RNGTT: variants seen among roughly 807,000 people sequenced by gnomAD.
RNGTT encodes mRNA-capping enzyme.
Under a neutral mutation model 79.3 loss-of-function variants are expected in RNGTT, and 33 were observed. That is an observed-to-expected ratio of 0.42 (90% CI 0.32 to 0.56). RNGTT has a LOEUF of 0.56. RNGTT is among the 20% of genes least tolerant of loss of function. The pLI, the probability that RNGTT is intolerant of heterozygous loss-of-function variation, is 0.17. For missense variants in RNGTT, 497 were observed against 739.1 expected (o/e 0.67, Z 3.80); for synonymous variants, 222 against 235.9 (o/e 0.94, Z 0.54).
At chr6:88,886,022 G>C (rs900224727) in intron 8 of RNGTT, among the ~76,000 whole-genome samples, 1 of 152,132 alleles carries the variant, frequency 6.6e-6, no homozygotes, top group African/African-American at 2.4e-5. Flanking sequence ...AATTATTGCA[G>C]AGGCCGGGCG....
chr6:88,806,905 T>C lies in RNGTT; in HGVS notation c.1270-5273A>G, dbSNP rs911394371. Among the ~76,000 whole-genome samples, 11 of 152,312 alleles carry C rather than the reference T, an allele frequency of 7.2e-5. No individual in the cohort carries two copies. The South Asian group carries it at 2.1e-3, about 29-fold the overall frequency. On this transcript the variant is annotated intron_variant, in intron 11 of 15. Coordinates refer to ENST00000369485, the MANE Select transcript of RNGTT (RefSeq NM_003800.5). The stretch of plus-strand genomic sequence containing the variant: ...GATACATATACACAATGGAATACTA[T>C]GCAGCCACAAAAAGGAACAAGATCG...
chr6:88,941,862 A>G (rs1026200213), intron 1 of RNGTT, among the ~76,000 whole-genome samples: 4 of 152,014 alleles, frequency 2.6e-5, no homozygotes, highest in Admixed American at 2.6e-4. Flanking sequence ...AACTTCCATT[A>G]TCTAAGTTCT....
chr6:88,886,757 C>T (rs1487830598), intron 8 of RNGTT, among the ~76,000 whole-genome samples: 1 of 152,164 alleles, frequency 6.6e-6, no homozygotes. Flanking sequence ...TCTGAGATTA[C>T]AGTGGCTTAG....
intron 13 of RNGTT, among the ~76,000 whole-genome samples, chr6:88,709,692 C>A (rs1188911307): frequency 6.6e-6 from 1 of 152,170 alleles, no homozygotes; most frequent in East Asian, 1.9e-4. Context: ...TTTCTTTTTG[C>A]ATCAAATCTT....
intron 11 of RNGTT, among the ~76,000 whole-genome samples, chr6:88,825,307 T>C (rs1373263334): frequency 6.6e-6 from 1 of 152,170 alleles, no homozygotes; most frequent in Admixed American, 6.5e-5. Context: ...ACAACAGGCA[T>C]TGGGGTTCAC....
Position 88,807,656 on chromosome 6 carries a change from C to T in RNGTT, c.1270-6024G>A, listed in dbSNP as rs1780002112. Among the ~76,000 whole-genome samples the T allele has an allele frequency of 2.0e-5, 3 of 152,062 alleles. No individual in the cohort carries two copies. In the South Asian group the frequency reaches 6.2e-4, roughly 31 times the overall value. ...AGATACAAGGAAGCAAAGAAACCAA[C>T]TGAGAGAAATAATGCCTCCAATTGC... On this transcript the variant is annotated intron_variant, in intron 11 of 15. Coordinates refer to ENST00000369485, the MANE Select transcript of RNGTT (RefSeq NM_003800.5).
At chr6:88,666,710 A>G (rs151264774) in intron 14 of RNGTT, among the ~76,000 whole-genome samples, 176 of 152,308 alleles carry the variant, frequency 1.2e-3, no homozygotes, top group African/African-American at 3.9e-3. Flanking sequence ...CTGTATGTGG[A>G]CGGAAGCAGC....
chr6:88,873,321 A>G (rs1412151444), intron 8 of RNGTT, among the ~76,000 whole-genome samples: 1 of 152,206 alleles, frequency 6.6e-6, no homozygotes, highest in Non-Finnish European at 1.5e-5. Context: ...ATAACTTTAA[A>G]TATGCTTTTA....
chr6:88,885,207 T>A (rs1782818552), intron 8 of RNGTT, among the ~76,000 whole-genome samples: 1 of 152,058 alleles, frequency 6.6e-6, no homozygotes, highest in African/African-American at 2.4e-5. Context: ...TGAGCCCAAC[T>A]TGTGCACAAA....
intron 14 of RNGTT, among the ~76,000 whole-genome samples, chr6:88,631,472 T>G (rs1772880917): frequency 6.6e-6 from 1 of 152,170 alleles, no homozygotes; most frequent in African/African-American, 2.4e-5. Context: ...CACCTTGACA[T>G]CTCACAAAGG....
intron 8 of RNGTT, among the ~76,000 whole-genome samples, chr6:88,869,736 T>A (rs185260850): frequency 6.6e-6 from 1 of 152,132 alleles, no homozygotes; most frequent in Non-Finnish European, 1.5e-5. Context: ...CAGCTAATAC[T>A]ACTGAGACTA....
At chr6:88,784,883 A>T (rs1036717428) in intron 12 of RNGTT, among the ~76,000 whole-genome samples, 4 of 152,144 alleles carry the variant, frequency 2.6e-5, no homozygotes, top group African/African-American at 7.2e-5. Context: ...CTATCTTTTT[A>T]AAAAAGTGGA....
At chr6:88,944,851 G>C (rs79833894) in intron 1 of RNGTT, among the ~76,000 whole-genome samples, 28 of 152,282 alleles carry the variant, frequency 1.8e-4, no homozygotes, top group African/African-American at 6.3e-4. Flanking sequence ...TTCTCCTCCT[G>C]AATGTGACTA....
chr6:88,801,891 A>G (rs1327754331), intron 11 of RNGTT, among the ~76,000 whole-genome samples: 1 of 151,876 alleles, frequency 6.6e-6, no homozygotes, highest in Non-Finnish European at 1.5e-5. Context: ...TAGATATTCT[A>G]AACAATAGTC....
At chr6:88,851,546 AT>A (rs1781673370) in intron 9 of RNGTT, among the ~76,000 whole-genome samples, 1 of 152,008 alleles carries the variant, frequency 6.6e-6, no homozygotes, top group Non-Finnish European at 1.5e-5. Flanking sequence ...TAGTCTCAAT[AT>A]TAAGTTGATT....
chr6:88,701,291 C>G (rs776417605), intron 13 of RNGTT, among the ~76,000 whole-genome samples: 4 of 152,010 alleles, frequency 2.6e-5, no homozygotes, highest in Non-Finnish European at 4.4e-5. Context: ...ATGAACTATC[C>G]TCCAGGATCA....
intron 12 of RNGTT, among the ~76,000 whole-genome samples, chr6:88,781,140 G>A (rs1447773024): frequency 6.6e-6 from 1 of 152,172 alleles, no homozygotes; most frequent in African/African-American, 2.4e-5. Flanking sequence ...AACGGCAAAG[G>A]AGCAACGTAT....
intron 13 of RNGTT, among the ~76,000 whole-genome samples, chr6:88,731,011 T>C (rs1045964395): frequency 1.3e-5 from 2 of 152,024 alleles, no homozygotes; most frequent in African/African-American, 2.4e-5. Context: ...TGTCATAGGA[T>C]TGTAGAACAC....
intron 2 of RNGTT, among the ~76,000 whole-genome samples, chr6:88,932,654 T>C (rs911699314): frequency 2.6e-5 from 4 of 152,164 alleles, no homozygotes; most frequent in Admixed American, 2.6e-4. Context: ...CGTTGAAATA[T>C]TGGGGGCTGG....
Sources: allele counts gnomAD v4.1 joint callset (sites outside exome capture counted in the v4.1 genomes callset), GRCh38; gene constraint gnomAD v4.1.1; transcripts MANE v1.5; gene names NCBI Gene and HGNC (gene_info 2026-07-23, HGNC 2026-07-21).